SLC39A4: variants seen among roughly 807,000 people sequenced by gnomAD.
The protein encoded by SLC39A4 is solute carrier family 39 member 4.
Under a neutral mutation model 56.6 loss-of-function variants are expected in SLC39A4, and 49 were observed. The ratio of observed to expected loss-of-function variants is 0.87; its 90% CI spans 0.69 to 1.10. The LOEUF is 1.10. Among genes scored for constraint, SLC39A4 ranks in the 50% least tolerant of loss-of-function variants. The pLI, the probability that SLC39A4 is intolerant of heterozygous loss-of-function variation, is 0.00. For missense variants in SLC39A4, 993 were observed against 864.2 expected, an observed-to-expected ratio of 1.15 and a Z score of -1.87; for synonymous variants, 540 against 420.4, an observed-to-expected ratio of 1.28 and a Z score of -3.48.
Position 144,415,984 on chromosome 8 carries a change from G to T in SLC39A4, c.300C>A (p.Ala100=). 1 of 1,591,098 alleles carries T rather than the reference G, an allele frequency of 6.3e-7. No individual in the cohort carries two copies. The highest frequency in any genetic ancestry group is 8.5e-7 in the Non-Finnish European group (1 of 1,170,396). Reference sequence around the variant, plus strand: ...CCTCGGGGTTGCTGAGGTACAGGACGGCGGCGGCACTGAGGCGGGCGACGT... The same window carrying T: ...CCTCGGGGTTGCTGAGGTACAGGACTGCGGCGGCACTGAGGCGGGCGACGT... ...ARYVARLSAA[A]VLYLSNPEGT... Residue 100 remains alanine (A), a synonymous_variant, in exon 2 of 12, where the codon GCC becomes GCA. Coordinates refer to ENST00000301305, the MANE Select transcript of SLC39A4 (RefSeq NM_130849.4).
intron 11 of SLC39A4, 22 bp downstream of exon 11, chr8:144,412,737 C>G (rs543926022): frequency 6.2e-7 from 1 of 1,613,320 alleles, no homozygotes; most frequent in African/African-American, 1.3e-5. Flanking sequence ...CCCAGAGCAG[C>G]CCCTCCCCTC....
intron 10 of SLC39A4, 30 bp downstream of exon 10, chr8:144,413,207 C>CATCTCCTTCCAGGCCCCGCCT: frequency 6.5e-7 from 1 of 1,539,902 alleles, no homozygotes; most frequent in Non-Finnish European, 8.7e-7. Flanking sequence ...CGGCCCCGCC[C>CATCTCCTTCCAGGCCCCGCCT]ATCTCCTTCC....
At chr8:144,415,560 G>T in intron 2 of SLC39A4, 141 bp from the exon 3 acceptor site, 1 of 1,173,412 alleles carries the variant, frequency 8.5e-7, no homozygotes, top group Non-Finnish European at 1.2e-6. Context: ...AGCCCTCCCT[G>T]CCGGGCCCAG....
Position 144,412,962 on chromosome 8 carries a change from C to T in SLC39A4, c.1628-16G>A. On this transcript the variant is annotated splice_polypyrimidine_tract_variant and intron_variant, in intron 10 of 11. Transcript: ENST00000301305. ...GCGAAGTCCCCTGCGGGCGAGTCCA[C>T]ATTAACAGCTCCGCCCTCCTAGCTA... is the stretch of plus-strand genomic sequence containing the variant. 2.5e-6 allele frequency: 4 copies of T among 1,583,858 alleles called. No individual in the cohort carries two copies. Among genetic ancestry groups the T allele is most frequent in the Non-Finnish European group, 3.4e-6 (4 of 1,171,410 alleles).
chr8:144,416,495 C>T, intron 1 of SLC39A4, 103 bp downstream of exon 1: 1 of 1,490,358 alleles, frequency 6.7e-7, no homozygotes, highest in African/African-American at 1.4e-5. Flanking sequence ...CACTAGCCTC[C>T]TCCGCCTCCT....
Position 144,415,067 on chromosome 8 carries a change from G to T in SLC39A4, c.711C>A (p.Ala237=). ...LMQRLGVGRE[A]HSDHSHRHRG... is the part of the protein sequence containing the mutation. ...TGTGCCGATGACTGTGGTCACTGTG[G>T]GCCTCCCTGCCCACCCCCAGGCGCT... Residue 237 remains alanine, a synonymous_variant, in exon 4 of 12, where the codon GCC becomes GCA. Transcript: ENST00000301305. 1 of 1,611,430 alleles carries T rather than the reference G, an allele frequency of 6.2e-7. No individual in the cohort carries two copies.
intron 3 of SLC39A4, 52 bp downstream of exon 3, chr8:144,415,175 G>A: frequency 6.2e-6 from 10 of 1,612,714 alleles, no homozygotes; most frequent in Non-Finnish European, 8.5e-6. Context: ...CCAGGGACGT[G>A]GAGGCTGGGG....
Position 144,415,340 on chromosome 8 carries a change from G to T in SLC39A4, c.554C>A (p.Ala185Asp), listed in dbSNP as rs782249020. ...CCCGCTCCTGACATGGTCCAGCAGGGCAGCCAGGACGCCGCCAGCACTGCC... is the reference window on the plus strand; with the variant it reads ...CCCGCTCCTGACATGGTCCAGCAGGTCAGCCAGGACGCCGCCAGCACTGCC... ...APGSAGGVLA[A>D]LLDHVRSGSC... The change falls in exon 3 of 12, where the codon GCC becomes GAC. Residue 185 changes from alanine (A) to aspartate (D), a missense_variant. Coordinates refer to ENST00000301305, the MANE Select transcript of SLC39A4 (RefSeq NM_130849.4). 6.2e-7 allele frequency: 1 copy of T among 1,612,202 alleles called. No homozygotes were observed. The highest frequency in any genetic ancestry group is 8.5e-7 in the Non-Finnish European group (1 of 1,179,578).
chr8:144,412,942 G>T lies in SLC39A4; in HGVS notation c.1632C>A (p.Asp544Glu), dbSNP rs782699618. Residue 544 changes from aspartate to glutamate, a missense_variant, in exon 11 of 12, where the codon GAC becomes GAA. By Grantham distance (45) the Asp-to-Glu change is conservative. Coordinates refer to ENST00000301305, the MANE Select transcript of SLC39A4 (RefSeq NM_130849.4). ...FCHELPHELG[D>E]FAALLHAGLS... Reference sequence around the variant, plus strand: ...GCCCCGCGTGCAGCAAGGCGGCGAAGTCCCCTGCGGGCGAGTCCACATTAA... The same window carrying T: ...GCCCCGCGTGCAGCAAGGCGGCGAATTCCCCTGCGGGCGAGTCCACATTAA... 1.3e-6 allele frequency: 2 copies of T among 1,597,880 alleles called. No individual in the cohort carries two copies. The highest frequency in any genetic ancestry group is 8.5e-7 in the Non-Finnish European group (1 of 1,176,986).
chr8:144,415,944 C>A lies in SLC39A4; in HGVS notation c.340G>T (p.Ala114Ser). 1 of 1,592,378 alleles carries A rather than the reference C, an allele frequency of 6.3e-7. No homozygotes were observed. The highest frequency in any genetic ancestry group is 1.1e-5 in the South Asian group (1 of 88,648). Residue 114 changes from alanine to serine, a missense_variant, in exon 2 of 12, where the codon GCT becomes TCT. Coordinates refer to ENST00000301305, the MANE Select transcript of SLC39A4 (RefSeq NM_130849.4). ...TGAGAGGCCCAGAGGCCAGCCCGAGCGTCCTCACAGGTGCCCTCGGGGTTG... is the reference window on the plus strand; with the variant it reads ...TGAGAGGCCCAGAGGCCAGCCCGAGAGTCCTCACAGGTGCCCTCGGGGTTG... ...LSNPEGTCEDARAGLWASHAD... is the reference protein window; with the variant it reads ...LSNPEGTCEDSRAGLWASHAD...
In SLC39A4 at chr8:144,412,782, G is replaced by A. The variant is rs781922802; in HGVS notation, c.1792C>T (p.Leu598Phe). 4 of 1,613,036 alleles carry A rather than the reference G, an allele frequency of 2.5e-6. No homozygotes were observed. The African/African-American group carries it at 5.3e-5, about 22-fold the overall frequency. Residue 598 changes from leucine to phenylalanine, a missense_variant, in exon 11 of 12, where the codon CTC becomes TTC. Leu to Phe is a conservative substitution (Grantham distance 22, BLOSUM62 0). Coordinates refer to ENST00000301305, the MANE Select transcript of SLC39A4 (RefSeq NM_130849.4). ...ACCATGTCGCAGAGTGCTACGTAGAGGAACAGGCCGGTGGCCACTGCCAGG... is the reference window on the plus strand; with the variant it reads ...ACCATGTCGCAGAGTGCTACGTAGAAGAACAGGCCGGTGGCCACTGCCAGG... ...WILAVATGLF[L>F]YVALCDMLPA...
rs782353576 is a variant in SLC39A4, at chr8:144,412,917, G to A, written c.1657C>T (p.Leu553=). ...GDFAALLHAG[L]SVRQALLLNL... The stretch of plus-strand genomic sequence containing the variant: ...AGCAGCAGTGCTTGGCGCACGGACA[G>A]CCCCGCGTGCAGCAAGGCGGCGAAG... Residue 553 remains leucine (L), a synonymous_variant, in exon 11 of 12, where the codon CTG becomes TTG. Coordinates refer to ENST00000301305, the MANE Select transcript of SLC39A4 (RefSeq NM_130849.4). 35 of 1,606,982 alleles carry A rather than the reference G, an allele frequency of 2.2e-5. No homozygotes were observed. The South Asian group carries it at 3.4e-4, about 16-fold the overall frequency.
intron 2 of SLC39A4, 91 bp from the exon 3 acceptor site, chr8:144,415,510 A>G: frequency 7.1e-7 from 1 of 1,404,730 alleles, no homozygotes; most frequent in Non-Finnish European, 9.6e-7. Context: ...CCCCAACTAC[A>G]GGATCTGCCC....
intron 10 of SLC39A4, 54 bp from the exon 11 acceptor site, chr8:144,413,000 ACCT>A (rs1238768943): frequency 4.2e-5 from 64 of 1,532,676 alleles, no homozygotes; most frequent in Non-Finnish European, 5.3e-5. Context: ...TGCCCCGCCC[ACCT>A]CCTTTCGGTC....
chr8:144,413,183 C>A (rs1821966920), intron 10 of SLC39A4, 54 bp downstream of exon 10: 2 of 1,511,598 alleles, frequency 1.3e-6, no homozygotes, highest in African/African-American at 1.4e-5. Flanking sequence ...CAGGTCTCCC[C>A]TCCCAGCCCC....
chr8:144,413,844 C>T lies in SLC39A4; in HGVS notation c.1325G>A (p.Ser442Asn), dbSNP rs1554872655. 6.3e-7 allele frequency: 1 copy of T among 1,597,478 alleles called. No homozygotes were observed. The highest frequency in any genetic ancestry group is 1.3e-5 in the African/African-American group (1 of 74,916). ...EDGPCGHSSHSHGGHSHGVSL... is the reference protein window; with the variant it reads ...EDGPCGHSSHNHGGHSHGVSL... The stretch of plus-strand genomic sequence containing the variant: ...CACACCGTGGCTGTGGCCCCCGTGG[C>T]TATGGCTGCTGTGGCCGCAGGGCCC... Residue 442 changes from serine to asparagine, a missense_variant, in exon 8 of 12, where the codon AGC (serine) becomes AAC (asparagine). Coordinates refer to ENST00000301305, the MANE Select transcript of SLC39A4 (RefSeq NM_130849.4).
chr8:144,416,639 G>A lies in SLC39A4; in HGVS notation c.151C>T (p.Leu51=). 1.2e-6 allele frequency: 2 copies of A among 1,607,088 alleles called. No homozygotes were observed. Among genetic ancestry groups the A allele is most frequent in the Non-Finnish European group, 1.7e-6 (2 of 1,177,628 alleles). The part of the protein sequence containing the change: ...QEALGGLLNT[L]ADRVHCANGP... Reference sequence around the variant, plus strand: ...TTGGCGCAGTGCACACGGTCCGCCAGCGTATTTAACAGGCCGCCCAGAGCC... The same window carrying A: ...TTGGCGCAGTGCACACGGTCCGCCAACGTATTTAACAGGCCGCCCAGAGCC... Residue 51 remains leucine (L), a synonymous_variant, in exon 1 of 12, where the codon CTG becomes TTG. Transcript: ENST00000301305.
At position 144,413,792 on chromosome 8, in the gene SLC39A4, G is replaced by A. The variant is rs1554872610; in HGVS notation, c.1377C>T (p.Leu459=). 2.6e-6 allele frequency: 4 copies of A among 1,555,672 alleles called. No individual in the cohort carries two copies. The highest frequency in any genetic ancestry group is 3.5e-6 in the Non-Finnish European group (4 of 1,156,082). ...CCTCGTGGGGGGGCTTGGGCTGCCGGAGCTCGCTGGGTGCCAGCTGCAGGG... is the reference window on the plus strand; with the variant it reads ...CCTCGTGGGGGGGCTTGGGCTGCCGAAGCTCGCTGGGTGCCAGCTGCAGGG... ...GVSLQLAPSE[L]RQPKPPHEGS... The change falls in exon 8 of 12, where the codon CTC becomes CTT. Residue 459 remains leucine (L), a synonymous_variant. Transcript: ENST00000301305.
At chr8:144,416,458 G>A in intron 1 of SLC39A4, 140 bp downstream of exon 1, 1 of 1,464,196 alleles carries the variant, frequency 6.8e-7, no homozygotes. Context: ...CTGGCCTGTG[G>A]GGAGGGTCAG....
Sources: allele counts gnomAD v4.1 joint callset, GRCh38; gene constraint gnomAD v4.1.1; transcripts MANE v1.5; gene names NCBI Gene and HGNC (gene_info 2026-07-23, HGNC 2026-07-21).